The following BANP variants were observed in gnomAD, a reference collection of about 807,000 sequenced individuals.
The protein encoded by BANP is BTG3 associated nuclear protein.
A neutral mutation model predicts 68.1 loss-of-function variants in BANP; 11 were observed. The ratio of observed to expected loss-of-function variants is 0.16; its 90% CI spans 0.10 to 0.27. The LOEUF is 0.27. BANP is among the 10% of genes least tolerant of loss of function. BANP has a pLI of 1.00. For missense variants in BANP, 504 were observed against 722.7 expected (o/e 0.70, Z 3.47); for synonymous variants, 329 against 303.2 (o/e 1.09, Z -0.88).
chr16:87,969,128 G>A (rs532329371), intron 1 of BANP, among the ~76,000 whole-genome samples: 7 of 152,126 alleles, frequency 4.6e-5, no homozygotes, highest in South Asian at 4.1e-4. Context: ...GCCGCTTTTC[G>A]GGGGCTCTTG....
At chr16:87,981,200 C>T in intron 3 of BANP, 73 bp downstream of exon 3, 3 of 1,101,100 alleles carry the variant, frequency 2.7e-6, no homozygotes, top group Non-Finnish European at 4.2e-6. Flanking sequence ...AAATCACCAT[C>T]AATGGGATGG....
intron 1 of BANP, among the ~76,000 whole-genome samples, chr16:87,967,472 T>C (rs1193593361): frequency 6.6e-6 from 1 of 152,100 alleles, no homozygotes; most frequent in Non-Finnish European, 1.5e-5. Context: ...GATTTGTTTT[T>C]TTGAGACGGA....
At chr16:88,041,174 T>G (rs1205269275) in intron 11 of BANP, among the ~76,000 whole-genome samples, 1 of 152,256 alleles carries the variant, frequency 6.6e-6, no homozygotes, top group Admixed American at 6.5e-5. Context: ...TTCTTGTAGT[T>G]AATTGATTAT....
intron 6 of BANP, among the ~76,000 whole-genome samples, chr16:88,011,440 G>A (rs779617782): frequency 6.6e-6 from 1 of 152,152 alleles, no homozygotes; most frequent in African/African-American, 2.4e-5. Flanking sequence ...ACCCGGAGGC[G>A]CAGGATCCTT....
chr16:88,043,767 C>T (rs1430610977), intron 11 of BANP, among the ~76,000 whole-genome samples: 1 of 152,134 alleles, frequency 6.6e-6, no homozygotes, highest in East Asian at 1.9e-4. Context: ...TACGTTCAGA[C>T]AGACGGTGCC....
rs118012869 is a variant in BANP, at chr16:88,025,819, G to T, written c.896-1664G>T. 5.3e-5 allele frequency among the ~76,000 whole-genome samples: 8 copies of T among 152,328 alleles called. No homozygotes were observed. In the East Asian group the frequency reaches 1.5e-3, roughly 29 times the overall value. ...GTAGAGTCCGAACTTGAGGCTCTTGGTAGTTGAAACGGGACACTTTTCAGC... is the reference window on the plus strand; with the variant it reads ...GTAGAGTCCGAACTTGAGGCTCTTGTTAGTTGAAACGGGACACTTTTCAGC... On this transcript the variant is annotated intron_variant, in intron 7 of 13. Coordinates refer to ENST00000682872, the MANE Select transcript of BANP (RefSeq NM_001386991.1).
chr16:88,005,547 C>T (rs2070756335), intron 5 of BANP, among the ~76,000 whole-genome samples: 1 of 152,202 alleles, frequency 6.6e-6, no homozygotes, highest in Non-Finnish European at 1.5e-5. Flanking sequence ...TCTGTCCTTC[C>T]ACATCAGCAG....
intron 11 of BANP, among the ~76,000 whole-genome samples, chr16:88,043,483 T>A (rs761805808): frequency 2.1e-4 from 32 of 152,228 alleles, no homozygotes; most frequent in South Asian, 6.2e-4. Context: ...CCCTGTAGTG[T>A]TGGCTTTGTT....
intron 11 of BANP, among the ~76,000 whole-genome samples, chr16:88,048,278 C>G (rs7498429): frequency 0.68 from 103,318 of 152,162 alleles, 39,189 homozygotes; most frequent in Non-Finnish European, 0.85. Flanking sequence ...AGCATCTAAT[C>G]ATTTGGAGAA....
intron 6 of BANP, among the ~76,000 whole-genome samples, chr16:88,014,595 G>C (rs2074033888): frequency 6.6e-6 from 1 of 152,052 alleles, no homozygotes; most frequent in Non-Finnish European, 1.5e-5. Context: ...AAGTGTGTTT[G>C]AGCACTGTTA....
intron 11 of BANP, among the ~76,000 whole-genome samples, chr16:88,047,614 G>C (rs1257195499): frequency 6.6e-6 from 1 of 152,214 alleles, no homozygotes; most frequent in Admixed American, 6.5e-5. Context: ...CAGAAGGGCA[G>C]TAATTCAGGG....
chr16:87,953,968 T>C (rs1056383352), intron 1 of BANP, among the ~76,000 whole-genome samples: 1 of 152,234 alleles, frequency 6.6e-6, no homozygotes, highest in Admixed American at 6.5e-5. Flanking sequence ...ATCTTCTCTT[T>C]GGTGTTAATG....
chr16:88,076,211 C>G (rs1289866701), intron 13 of BANP, among the ~76,000 whole-genome samples: 1 of 152,228 alleles, frequency 6.6e-6, no homozygotes, highest in Non-Finnish European at 1.5e-5. Context: ...AAAATGGTAC[C>G]TGAAGCTTCA....
intron 6 of BANP, among the ~76,000 whole-genome samples, chr16:88,007,551 C>T (rs754617443): frequency 6.6e-6 from 1 of 152,162 alleles, no homozygotes; most frequent in Non-Finnish European, 1.5e-5. Context: ...GTGACTACAG[C>T]GTGGAGAAAA....
chr16:87,995,903 G>A (rs2067062575), intron 4 of BANP, among the ~76,000 whole-genome samples: 1 of 152,268 alleles, frequency 6.6e-6, no homozygotes, highest in Non-Finnish European at 1.5e-5. Flanking sequence ...TGGGGTTCCT[G>A]CGGTGCCCGG....
intron 6 of BANP, among the ~76,000 whole-genome samples, chr16:88,011,767 C>G (rs114509695): frequency 0.01 from 1,596 of 152,296 alleles, 10 homozygotes; most frequent in Non-Finnish European, 0.016. Context: ...TCAAAGTTGT[C>G]CTCCAGGAGT....
In BANP at chr16:88,020,448, TCA is replaced by T. The variant is rs140192996; in HGVS notation, c.895+1784_895+1785del. ...TTCGTGCTGGTGCTTGCTGTGTGGA[TCA>T]CAGTGTGGAGTGCGTTGAGATATAT... On this transcript the variant is annotated intron_variant, in intron 7 of 13. Transcript: ENST00000682872. Among the ~76,000 whole-genome samples the T allele has an allele frequency of 4.3e-3, 648 of 152,344 alleles. 4 individuals carry two copies. The highest frequency in any genetic ancestry group is 0.014 in the African/African-American group (585 of 41,590).
At chr16:88,014,836 G>A (rs865879687) in intron 6 of BANP, among the ~76,000 whole-genome samples, 1 of 151,990 alleles carries the variant, frequency 6.6e-6, no homozygotes, top group African/African-American at 2.4e-5. Context: ...GCTTGGTGTC[G>A]CTGGAGACCA....
intron 10 of BANP, among the ~76,000 whole-genome samples, chr16:88,035,954 C>T (rs1028508936): frequency 6.6e-6 from 1 of 152,242 alleles, no homozygotes; most frequent in Non-Finnish European, 1.5e-5. Flanking sequence ...GCCACGCACT[C>T]AGAAGTGCGG....
Sources: allele counts gnomAD v4.1 joint callset (sites outside exome capture counted in the v4.1 genomes callset), GRCh38; gene constraint gnomAD v4.1.1; transcripts MANE v1.5; gene names NCBI Gene and HGNC (gene_info 2026-07-23, HGNC 2026-07-21).